The following RHEB variants were observed in gnomAD, a reference collection of about 807,000 sequenced individuals.
RHEB encodes Ras homolog, mTORC1 binding.
RHEB carries 2 observed loss-of-function variants against 28.8 expected under a neutral mutation model. That is an observed-to-expected ratio of 0.07 (90% CI 0.03 to 0.22). The LOEUF is 0.22. Ranked by LOEUF, RHEB falls within the 10% of genes least tolerant of loss-of-function variation. RHEB has a pLI of 1.00. For synonymous variants in RHEB, 69 were observed against 77.3 expected (o/e 0.89, Z 0.56); for missense variants, 76 against 219.9 (o/e 0.35, Z 4.14).
At chr7:151,498,121 T>C in intron 1 of RHEB, 1 of 1,289,688 alleles carries the variant, frequency 7.8e-7, no homozygotes, top group South Asian at 1.2e-5. Context: ...GATGCACCTG[T>C]GCGCCCTGCA....
intron 2 of RHEB, among the ~76,000 whole-genome samples, chr7:151,488,229 C>CTT (rs1802518284): frequency 2.0e-5 from 3 of 152,148 alleles, no homozygotes; most frequent in Admixed American, 2.0e-4. Context: ...AGTACTTCTG[C>CTT]TTTAAAATTT....
chr7:151,501,008 A>T (rs1802763670), intron 1 of RHEB, among the ~76,000 whole-genome samples: 1 of 152,184 alleles, frequency 6.6e-6, no homozygotes. Context: ...TCATAGACCT[A>T]AATGTAAAAA....
intron 1 of RHEB, chr7:151,502,528 A>G (rs1286488968): frequency 2.0e-6 from 2 of 1,009,918 alleles, no homozygotes; most frequent in Non-Finnish European, 3.2e-6. Context: ...TTGACTTTGA[A>G]TCTTTCAAAC....
intron 1 of RHEB, among the ~76,000 whole-genome samples, chr7:151,505,498 C>G (rs1183268090): frequency 6.6e-6 from 1 of 152,102 alleles, no homozygotes; most frequent in Non-Finnish European, 1.5e-5. Flanking sequence ...CCGCCAATAC[C>G]AAGTATCAGG....
chr7:151,475,391 G>A (rs57830592), intron 4 of RHEB, among the ~76,000 whole-genome samples: 9,316 of 152,184 alleles, frequency 0.061, 884 homozygotes, highest in African/African-American at 0.21. Flanking sequence ...GGATAAAATT[G>A]TACTTACCAA....
intron 1 of RHEB, among the ~76,000 whole-genome samples, chr7:151,491,812 CTA>C (rs1382898228): frequency 6.6e-6 from 1 of 151,930 alleles, no homozygotes; most frequent in Non-Finnish European, 1.5e-5. Context: ...GCTAGAAATC[CTA>C]TGTCATTCAG....
chr7:151,466,844 C>A lies in RHEB; in HGVS notation c.*275G>T, dbSNP rs1487583403. ...TTACATTATTTTAAACAACAAACTA[C>A]ACTGAAAAATTAATGCCGATAAAAT... On this transcript the variant is annotated 3_prime_UTR_variant, in exon 8 of 8. Transcript: ENST00000262187. 1 of 339,776 alleles carries A rather than the reference C, an allele frequency of 2.9e-6. No homozygotes were observed. Among genetic ancestry groups the A allele is most frequent in the Non-Finnish European group, 5.4e-6 (1 of 185,202 alleles). 21.0% of individuals were successfully genotyped at this position (339,776 alleles called of 1,614,324 possible).
At chr7:151,501,371 G>C (rs1325358952) in intron 1 of RHEB, among the ~76,000 whole-genome samples, 1 of 152,160 alleles carries the variant, frequency 6.6e-6, no homozygotes, top group Non-Finnish European at 1.5e-5. Context: ...TTATCCATTA[G>C]GGAAATGTAA....
Position 151,474,178 on chromosome 7 carries a change from GTTTTTTTGT to G in RHEB, c.276-2582_276-2574del, listed in dbSNP as rs1471277820. Among the ~76,000 whole-genome samples, 4 of 104,332 alleles carry G rather than the reference GTTTTTTTGT, an allele frequency of 3.8e-5. No individual in the cohort carries two copies. The South Asian group carries it at 1.5e-3, about 39-fold the overall frequency. 68.4% of individuals were successfully genotyped at this position (104,332 alleles called of 152,430 possible). A position where few individuals can be genotyped will look rare whatever the true frequency, so the allele number is the denominator to read the frequency against. Reference sequence around the variant, plus strand: ...ATTTTTTTTCCCTTTAACCAGTGTTGTTTTTTTGTTTTTTTTTTGAGACACAGCCTTGCT... The same window carrying G: ...ATTTTTTTTCCCTTTAACCAGTGTTGTTTTTTTTTGAGACACAGCCTTGCT... On this transcript the variant is annotated intron_variant, in intron 4 of 7. Coordinates refer to ENST00000262187, the MANE Select transcript of RHEB (RefSeq NM_005614.4).
At chr7:151,496,424 CCTAA>C (rs1802674765) in intron 1 of RHEB, among the ~76,000 whole-genome samples, 1 of 152,146 alleles carries the variant, frequency 6.6e-6, no homozygotes, top group Non-Finnish European at 1.5e-5. Context: ...AGTGGTGTGG[CCTAA>C]CTATTCATGA....
In RHEB at chr7:151,502,535, A is replaced by G; in HGVS notation, c.53-11521T>C. 5 of 1,032,022 alleles carry G rather than the reference A, an allele frequency of 4.8e-6. No individual in the cohort carries two copies. In the South Asian group the frequency reaches 6.3e-5, roughly 13 times the overall value. 63.9% of individuals were successfully genotyped at this position (1,032,022 alleles called of 1,614,324 possible). On this transcript the variant is annotated intron_variant, in intron 1 of 7. Transcript: ENST00000262187. ...AGTCAACGTTGACTTTGAATCTTTC[A>G]AACCAATTAATACGTCATTGTATTG...
At chr7:151,477,069 G>T (rs915050663) in intron 4 of RHEB, among the ~76,000 whole-genome samples, 20 of 152,024 alleles carry the variant, frequency 1.3e-4, no homozygotes, top group African/African-American at 4.4e-4. Context: ...ATTTCAATTA[G>T]CAGAAAAGCT....
intron 1 of RHEB, chr7:151,518,908 C>T (rs1167524747): frequency 1.3e-5 from 2 of 152,208 alleles, no homozygotes; most frequent in African/African-American, 2.4e-5. Flanking sequence ...AGAAAACTTG[C>T]GTTCAGTGCC....
In RHEB at chr7:151,469,445, C is replaced by G. The variant is rs569033648; in HGVS notation, c.462+1126G>C. On this transcript the variant is annotated intron_variant, in intron 7 of 7. Transcript: ENST00000262187. Reference sequence around the variant, plus strand: ...TGAAATCTAGGTGGGGCCTTGAGGACTACAAACCTCCGTGCTGCGGAGAGG... The same window carrying G: ...TGAAATCTAGGTGGGGCCTTGAGGAGTACAAACCTCCGTGCTGCGGAGAGG... Among the ~76,000 whole-genome samples the G allele has an allele frequency of 3.3e-5, 5 of 152,268 alleles. No homozygotes were observed. The East Asian group carries it at 7.7e-4, about 23-fold the overall frequency.
chr7:151,487,483 C>A (rs992366674), intron 2 of RHEB, among the ~76,000 whole-genome samples: 5 of 150,552 alleles, frequency 3.3e-5, no homozygotes, highest in Non-Finnish European at 7.4e-5. Flanking sequence ...GCAGAAGATT[C>A]GGCCAAGAAG....
At chr7:151,483,825 A>G (rs1802420498) in intron 3 of RHEB, among the ~76,000 whole-genome samples, 1 of 152,214 alleles carries the variant, frequency 6.6e-6, no homozygotes, top group Non-Finnish European at 1.5e-5. Context: ...TAGTAAAAGC[A>G]GGCCTGGATG....
intron 1 of RHEB, among the ~76,000 whole-genome samples, chr7:151,505,102 CAA>C (rs796748124): frequency 1.0e-5 from 1 of 98,098 alleles, no homozygotes. Context: ...AAAGTGAAAA[CAA>C]AAAAAAAAAC....
chr7:151,494,195 C>A (rs1322025203), intron 1 of RHEB, among the ~76,000 whole-genome samples: 1 of 152,156 alleles, frequency 6.6e-6, no homozygotes, highest in Non-Finnish European at 1.5e-5. Context: ...TGTAGTAGAA[C>A]TGGACTAAAA....
chr7:151,476,671 A>G (rs1312070722), intron 4 of RHEB, among the ~76,000 whole-genome samples: 1 of 152,258 alleles, frequency 6.6e-6, no homozygotes, highest in Non-Finnish European at 1.5e-5. Context: ...GATGCTACGT[A>G]GCCACCAAAC....
Sources: allele counts gnomAD v4.1 joint callset (sites outside exome capture counted in the v4.1 genomes callset), GRCh38; gene constraint gnomAD v4.1.1; transcripts MANE v1.5; gene names NCBI Gene and HGNC (gene_info 2026-07-23, HGNC 2026-07-21).